Variants in SHOC1 observed in about 807,000 individuals in gnomAD.
SHOC1 encodes the protein shortage in chiasmata 1.
A neutral mutation model predicts 179.2 loss-of-function variants in SHOC1; 136 were observed. The observed-to-expected ratio is 0.76, with a 90% CI of 0.66 to 0.87. SHOC1 has a LOEUF of 0.87. Among genes scored for constraint, SHOC1 ranks in the 40% least tolerant of loss-of-function variants. The pLI is 0.00. For missense variants in SHOC1, 1,538 were observed against 1,700.8 expected, an observed-to-expected ratio of 0.90 and a Z score of 1.68; for synonymous variants, 489 against 586.6, an observed-to-expected ratio of 0.83 and a Z score of 2.41.
At chr9:111,781,930 G>T (rs1836077064) in intron 3 of SHOC1, among the ~76,000 whole-genome samples, 1 of 151,964 alleles carries the variant, frequency 6.6e-6, no homozygotes, top group Non-Finnish European at 1.5e-5. Context: ...GTGCCTCATT[G>T]AAAAACATGA....
rs144652569 is a variant in SHOC1 at position 111,691,831 on chromosome 9, T to C, written c.4146A>G (p.Ala1382=). The C allele has an allele frequency of 6.2e-7, 1 of 1,613,768 alleles. No individual in the cohort carries two copies. The highest frequency in any genetic ancestry group is 8.5e-7 in the Non-Finnish European group (1 of 1,179,910). ...FNLQYGAQQT[A]CNKLYSQKGN... Reference sequence around the variant, plus strand: ...CTTTCTGAGAGTACAATTTGTTACATGCAGTCTGCTGTGCACCATATTGTA... The same window carrying C: ...CTTTCTGAGAGTACAATTTGTTACACGCAGTCTGCTGTGCACCATATTGTA... The change falls in exon 27 of 28, where the codon GCA becomes GCG. Residue 1382 remains alanine (A), a synonymous_variant. Coordinates refer to ENST00000682961, the MANE Select transcript of SHOC1 (RefSeq NM_001378211.1).
chr9:111,710,253 AAAT>A lies in SHOC1; in HGVS notation c.2489-2332_2489-2330del, dbSNP rs1204704931. On this transcript the variant is annotated intron_variant, in intron 18 of 27. Coordinates refer to ENST00000682961, the MANE Select transcript of SHOC1 (RefSeq NM_001378211.1). Reference sequence around the variant, plus strand: ...CTTCCCAGGATTGGAAAACTGAATGAAATAATAAGATCCAAGTTTACAAATCTA... The same window carrying A: ...CTTCCCAGGATTGGAAAACTGAATGAAATAAGATCCAAGTTTACAAATCTA... Among the ~76,000 whole-genome samples the A allele has an allele frequency of 2.0e-5, 3 of 152,166 alleles. 1 individual carries two copies. Among genetic ancestry groups the A allele is most frequent in the Non-Finnish European group, 1.5e-5 (1 of 68,034 alleles).
At chr9:111,742,043 A>C (rs1834067253) in intron 10 of SHOC1, among the ~76,000 whole-genome samples, 1 of 152,206 alleles carries the variant, frequency 6.6e-6, no homozygotes, top group African/African-American at 2.4e-5. Flanking sequence ...ACCAAATATC[A>C]AACACAGTAC....
intron 24 of SHOC1, among the ~76,000 whole-genome samples, chr9:111,695,823 C>G (rs541414538): frequency 2.6e-4 from 39 of 152,252 alleles, no homozygotes; most frequent in African/African-American, 8.9e-4. Flanking sequence ...AATACCACTA[C>G]TAAAAATAGA....
chr9:111,720,744 C>T (rs1833003075), intron 15 of SHOC1, among the ~76,000 whole-genome samples: 1 of 152,154 alleles, frequency 6.6e-6, no homozygotes. Context: ...CCATTAATTG[C>T]ATCCACTATA....
At chr9:111,762,149 G>C (rs1490626108) in intron 5 of SHOC1, among the ~76,000 whole-genome samples, 1 of 152,168 alleles carries the variant, frequency 6.6e-6, no homozygotes, top group East Asian at 1.9e-4. Context: ...CCATGCTTTT[G>C]TCTAGCACGG....
chr9:111,789,455 A>G (rs1836376783), intron 2 of SHOC1, among the ~76,000 whole-genome samples: 2 of 152,186 alleles, frequency 1.3e-5, no homozygotes, highest in Admixed American at 6.5e-5. Flanking sequence ...TGAAAAAGAT[A>G]TTTTTAGAAA....
intron 11 of SHOC1, among the ~76,000 whole-genome samples, chr9:111,740,532 C>A (rs559480022): frequency 1.2e-4 from 18 of 152,208 alleles, no homozygotes; most frequent in Middle Eastern, 3.4e-3. Flanking sequence ...AAATGTATAA[C>A]CTCAAAATTA....
rs1267023460 is a variant in SHOC1, at chr9:111,785,912, C to G, written c.169G>C (p.Val57Leu). ...TTTTAAGAAATGAAAACAAACATAC[C>G]TCTCGTCCATGGCCTCCTAAATTTA... ...DNKFRRPWTR[V>L]SAVSVPGMTD... The change falls in exon 3 of 28, where the codon GTC (valine) becomes CTC (leucine). Residue 57 changes from valine to leucine, a missense_variant and splice_region_variant. Coordinates refer to ENST00000682961, the MANE Select transcript of SHOC1 (RefSeq NM_001378211.1). 1 of 1,462,250 alleles carries G rather than the reference C, an allele frequency of 6.8e-7. No individual in the cohort carries two copies. The highest frequency in any genetic ancestry group is 9.0e-7 in the Non-Finnish European group (1 of 1,110,048). 90.6% of individuals were successfully genotyped at this position (1,462,250 alleles called of 1,614,324 possible).
chr9:111,758,198 T>TAA lies in SHOC1; in HGVS notation c.597-5_597-4dup. 6 of 1,435,234 alleles carry TAA rather than the reference T, an allele frequency of 4.2e-6. No homozygotes were observed. The highest frequency in any genetic ancestry group is 2.1e-5 in the Admixed American group (1 of 47,270). The allele number at this position is 1,435,234 out of a possible 1,614,324, so 88.9% of individuals were successfully genotyped here. The stretch of plus-strand genomic sequence containing the variant: ...TTTCTTGAAGAGAGAAACATTCCCT[T>TAA]AAAAAAAAATACATTAATTAGTGTT... On this transcript the variant is annotated splice_polypyrimidine_tract_variant and splice_region_variant and intron_variant, in intron 6 of 27. Transcript: ENST00000682961.
At position 111,733,289 on chromosome 9, in the gene SHOC1, AT is replaced by A. The variant is rs941999083; in HGVS notation, c.1417+4990del. 7.0e-4 allele frequency among the ~76,000 whole-genome samples: 105 copies of A among 150,190 alleles called. 1 individual carries two copies. The East Asian group carries it at 8.6e-3, about 12-fold the overall frequency. ...ATTTCCTTCCAAAATGTAGTTTATA[AT>A]TTTTTTTTTGCTTTTATTAGAGATA... On this transcript the variant is annotated intron_variant, in intron 12 of 27. Transcript: ENST00000682961.
rs369777741 is a variant in SHOC1, at chr9:111,692,373, C to T, written c.3604G>A (p.Val1202Ile). 6.6e-5 allele frequency: 106 copies of T among 1,613,360 alleles called. 1 individual carries two copies. In the South Asian group the frequency reaches 1.1e-3, roughly 17 times the overall value. Residue 1202 changes from valine to isoleucine, a missense_variant, in exon 27 of 28, where the codon GTC (valine) becomes ATC (isoleucine). Physicochemically the swap from Val to Ile is conservative, Grantham distance 29. Coordinates refer to ENST00000682961, the MANE Select transcript of SHOC1 (RefSeq NM_001378211.1). ...SQSSASDLDS[V>I]IQEHNEYYQY... ...TAATATTCATTATGTTCTTGAATGA[C>T]AGAGTCTAAATCAGAAGCTGAACTT...
At chr9:111,720,210 A>G (rs1413355965) in intron 15 of SHOC1, among the ~76,000 whole-genome samples, 1 of 152,252 alleles carries the variant, frequency 6.6e-6, no homozygotes, top group Non-Finnish European at 1.5e-5. Flanking sequence ...AAGAGCTCTA[A>G]GAGAAGTCCT....
chr9:111,730,133 C>G (rs1833500154), intron 12 of SHOC1, among the ~76,000 whole-genome samples: 1 of 152,166 alleles, frequency 6.6e-6, no homozygotes, highest in South Asian at 2.1e-4. Flanking sequence ...ACTTCTAATT[C>G]TAGTTTTCTT....
intron 20 of SHOC1, 38 bp downstream of exon 20, chr9:111,706,529 CT>C (rs746376051): frequency 8.6e-5 from 122 of 1,411,588 alleles, no homozygotes; most frequent in Non-Finnish European, 1.0e-4. Flanking sequence ...AATTTTCATT[CT>C]AATAAAGCAA....
chr9:111,692,179 C>T lies in SHOC1; in HGVS notation c.3798G>A (p.Gln1266=), dbSNP rs1380508144. ...CTATATTAATTAGAAAAGGAGTATT[C>T]TGCCCTATATTAGATTTACAGCTGG... The part of the protein sequence containing the change: ...KDSSCKSNIG[Q]NTPFLINIES... Residue 1266 remains glutamine (Q), a synonymous_variant, in exon 27 of 28, where the codon CAG becomes CAA. Transcript: ENST00000682961. The T allele has an allele frequency of 6.2e-7, 1 of 1,613,778 alleles. No homozygotes were observed. Among genetic ancestry groups the T allele is most frequent in the Non-Finnish European group, 8.5e-7 (1 of 1,179,802 alleles).
At chr9:111,705,734 T>C (rs902773795) in intron 20 of SHOC1, among the ~76,000 whole-genome samples, 9 of 152,220 alleles carry the variant, frequency 5.9e-5, no homozygotes, top group Non-Finnish European at 1.2e-4. Flanking sequence ...CTTAAGTATA[T>C]ATTGGGCATG....
chr9:111,779,175 A>C (rs1319932698), intron 4 of SHOC1, among the ~76,000 whole-genome samples: 1 of 152,146 alleles, frequency 6.6e-6, no homozygotes, highest in East Asian at 1.9e-4. Context: ...TAAACCCTGA[A>C]AACATTATAT....
intron 3 of SHOC1, among the ~76,000 whole-genome samples, chr9:111,785,030 GA>G (rs1225418109): frequency 6.6e-6 from 1 of 152,148 alleles, no homozygotes; most frequent in Non-Finnish European, 1.5e-5. Flanking sequence ...GCCTTATTCG[GA>G]AATTGCCTAC....
Sources: gnomAD v4.1 joint callset for allele counts (sites outside exome capture counted in the v4.1 genomes callset) on GRCh38, gnomAD v4.1.1 for gene constraint, MANE v1.5 for transcripts, NCBI Gene and HGNC (gene_info 2026-07-23, HGNC 2026-07-21) for gene names.